Variants in CEBPZOS observed in about 807,000 individuals in gnomAD.
CEBPZOS encodes the protein protein CEBPZOS.
Under a neutral mutation model 4.8 loss-of-function variants are expected in CEBPZOS, and 10 were observed. The observed-to-expected ratio is 2.07, with a 90% CI of 1.28 to 3.52. CEBPZOS has a LOEUF of 3.52. Among genes scored for constraint, CEBPZOS ranks in the 30% most tolerant of loss-of-function variants. The pLI is 0.00. For missense variants in CEBPZOS, 98 were observed against 43.6 expected (o/e 2.25, Z -3.51); for synonymous variants, 25 against 14.2 (o/e 1.77, Z -1.72).
exon 5 of CEBPZOS, chr2:37,213,712 C>T: frequency 1.8e-6 from 1 of 570,198 alleles, no homozygotes. Context: ...CAGCGCCTGG[C>T]CCCAAATATT....
chr2:37,199,773 C>T lies in CEBPZOS; in HGVS notation c.69C>T (p.Gly23=), dbSNP rs1368520921. 8.4e-6 allele frequency: 6 copies of T among 717,424 alleles called. No individual in the cohort carries two copies. Among genetic ancestry groups the T allele is most frequent in the South Asian group, 5.9e-5 (4 of 67,590 alleles). 44.4% of individuals were successfully genotyped at this position (717,424 alleles called of 1,614,324 possible). A position where few individuals can be genotyped will look rare whatever the true frequency, so the allele number is the denominator to read the frequency against. The change falls in exon 2 of 5, where the codon GGC becomes GGT. Residue 23 remains glycine, a synonymous_variant. Coordinates refer to ENST00000402297, the MANE Select transcript of CEBPZOS (RefSeq NM_001322374.2). ...GAGTTTTGGTAGCCGAACTTGTAGG[C>T]GTTTTTGGAGCATATTTTTTGTTTA... The part of the protein sequence containing the change: ...FKGVLVAELV[G]VFGAYFLFSK...
intron 4 of CEBPZOS, 68 bp downstream of exon 4, chr2:37,201,794 G>T (rs1258687646): frequency 6.6e-7 from 1 of 1,525,646 alleles, no homozygotes; most frequent in South Asian, 1.1e-5. Context: ...TTTTTTGAGT[G>T]GTTTTAATCC....
chr2:37,202,909 T>C lies in CEBPZOS; in HGVS notation c.*1049T>C, dbSNP rs779771051. 5.0e-6 allele frequency: 8 copies of C among 1,593,720 alleles called. No homozygotes were observed. In the South Asian group the frequency reaches 8.0e-5, roughly 16 times the overall value. On this transcript the variant is annotated 3_prime_UTR_variant, in exon 5 of 5. Coordinates refer to ENST00000402297, the MANE Select transcript of CEBPZOS (RefSeq NM_001322374.2). Reference sequence around the variant, plus strand: ...AAATTTATTAGAAAACTAAAAATAATGTAGAATAGCTAGCTTGTTAAAACA... The same window carrying C: ...AAATTTATTAGAAAACTAAAAATAACGTAGAATAGCTAGCTTGTTAAAACA...
At chr2:37,210,221 G>C (rs1677677132) in intron 4 of CEBPZOS, 1 of 152,144 alleles carries the variant, frequency 6.6e-6, no homozygotes, top group African/African-American at 2.4e-5. Context: ...AGTATGGAGA[G>C]TCCTTAAAGA....
chr2:37,209,341 G>C (rs1259399467), downstream of CEBPZOS: 1 of 152,012 alleles, frequency 6.6e-6, no homozygotes, highest in African/African-American at 2.4e-5. Flanking sequence ...AGCCAAGCAA[G>C]ACTAAACAAA....
downstream of CEBPZOS, among the ~76,000 whole-genome samples, chr2:37,205,187 T>C (rs921865635): frequency 6.6e-6 from 1 of 152,196 alleles, no homozygotes; most frequent in Non-Finnish European, 1.5e-5. Flanking sequence ...GGCGTGAGGC[T>C]CTGAAAGACT....
At chr2:37,213,700 C>G (rs1572500533) in exon 5 of CEBPZOS, 1 of 543,320 alleles carries the variant, frequency 1.8e-6, no homozygotes, top group Middle Eastern at 5.1e-4. Flanking sequence ...AGGTGTGAGC[C>G]ACAGCGCCTG....
intron 2 of CEBPZOS, 83 bp from the exon 3 acceptor site, chr2:37,200,965 T>C: frequency 2.9e-6 from 2 of 694,344 alleles, no homozygotes; most frequent in Non-Finnish European, 5.3e-6. Flanking sequence ...ATATGGACCC[T>C]AAAGCTAGCA....
intron 2 of CEBPZOS, among the ~76,000 whole-genome samples, 193 bp from the exon 3 acceptor site, chr2:37,200,855 C>G (rs1359203876): frequency 2.0e-5 from 3 of 152,068 alleles, no homozygotes; most frequent in African/African-American, 7.2e-5. Flanking sequence ...GCAGCCTGGG[C>G]AACAGGGAGA....
intron 4 of CEBPZOS, chr2:37,211,423 G>A: frequency 4.2e-6 from 1 of 235,562 alleles, no homozygotes; most frequent in East Asian, 9.1e-5. Flanking sequence ...GTATGTGAAA[G>A]GACAGAAAGG....
chr2:37,212,848 A>C (rs1251100697), intron 4 of CEBPZOS, among the ~76,000 whole-genome samples: 10 of 149,346 alleles, frequency 6.7e-5, no homozygotes, highest in Admixed American at 2.7e-4. Flanking sequence ...AAAAAAAAAA[A>C]AAACAAAAAC....
chr2:37,200,267 G>A (rs1195700588), intron 2 of CEBPZOS, among the ~76,000 whole-genome samples: 3 of 152,136 alleles, frequency 2.0e-5, no homozygotes, highest in East Asian at 1.9e-4. Flanking sequence ...TGCTATGGCC[G>A]AAAGTGCTTT....
chr2:37,199,383 A>G (rs1677101481), intron 1 of CEBPZOS, among the ~76,000 whole-genome samples: 2 of 152,334 alleles, frequency 1.3e-5, no homozygotes, highest in South Asian at 4.1e-4. Context: ...CAGCTAAAAA[A>G]TTATCTTCCC....
At chr2:37,201,135 T>G in intron 3 of CEBPZOS, 43 bp downstream of exon 3, 1 of 702,866 alleles carries the variant, frequency 1.4e-6, no homozygotes, top group Non-Finnish European at 2.6e-6. Flanking sequence ...AACAACTTCT[T>G]CAGGTAACCT....
At chr2:37,206,227 A>C (rs1677535244), downstream of CEBPZOS, among the ~76,000 whole-genome samples, 1 of 152,266 alleles carries the variant, frequency 6.6e-6, no homozygotes, top group Non-Finnish European at 1.5e-5. Context: ...GCGTGTGGCA[A>C]CGTGTTTAGT....
chr2:37,201,569 GTTTT>G (rs568653973), intron 3 of CEBPZOS, 69 bp from the exon 4 acceptor site: 1 of 646,412 alleles, frequency 1.5e-6, no homozygotes, highest in African/African-American at 1.8e-5. Context: ...AAAAGAAGTT[GTTTT>G]TTTCAATACA....
chr2:37,211,133 GA>G, intron 4 of CEBPZOS: 1 of 1,188,950 alleles, frequency 8.4e-7, no homozygotes. Context: ...AATAAGACTG[GA>G]AAATATTACT....
chr2:37,203,203 T>C lies in CEBPZOS; in HGVS notation c.*1343T>C. ...TAATATTTTCAAAAAGCTAACAACA[T>C]CCTAATAGAACTGTTCAGATGACAA... On this transcript the variant is annotated 3_prime_UTR_variant, in exon 5 of 5. Coordinates refer to ENST00000402297, the MANE Select transcript of CEBPZOS (RefSeq NM_001322374.2). The C allele has an allele frequency of 2.4e-6, 1 of 420,400 alleles. No homozygotes were observed. The allele number at this position is 420,400 out of a possible 1,614,324, so 26.0% of individuals were successfully genotyped here.
At position 37,212,690 on chromosome 2, in the gene CEBPZOS, T is replaced by C. The variant is rs79282553; in HGVS notation, c.*3-747T>C. On this transcript the variant is annotated intron_variant, in intron 4 of 4. Transcript: ENST00000397064. ...AATGATATTTAGCAATTGTCGTCCT[T>C]TTTACTCTATTAGAACTACTTAAGT... 43 of 410,078 alleles carry C rather than the reference T, an allele frequency of 1.0e-4. No individual in the cohort carries two copies. The East Asian group carries it at 2.0e-3, about 19-fold the overall frequency. The allele number at this position is 410,078 out of a possible 1,614,324, so 25.4% of individuals were successfully genotyped here.
Sources: gnomAD v4.1 joint callset for allele counts (sites outside exome capture counted in the v4.1 genomes callset) on GRCh38, gnomAD v4.1.1 for gene constraint, MANE v1.5 for transcripts, NCBI Gene and HGNC (gene_info 2026-07-23, HGNC 2026-07-21) for gene names.